MIGA1: variants seen among roughly 807,000 people sequenced by gnomAD.
The protein encoded by MIGA1 is family with sequence similarity 73, member A.
A neutral mutation model predicts 82.0 loss-of-function variants in MIGA1; 58 were observed. That is an observed-to-expected ratio of 0.71 (90% confidence interval 0.57 to 0.88). MIGA1 has a LOEUF of 0.88. Among genes scored for constraint, MIGA1 ranks in the 40% least tolerant of loss-of-function variants. MIGA1 has a pLI of 0.00. For synonymous variants in MIGA1, 249 were observed against 253.6 expected, an observed-to-expected ratio of 0.98 and a Z score of 0.17; for missense variants, 751 against 749.1, an observed-to-expected ratio of 1.00 and a Z score of -0.03.
chr1:77,872,041 C>T (rs2101984337), intron 14 of MIGA1, among the ~76,000 whole-genome samples: 1 of 152,154 alleles, frequency 6.6e-6, no homozygotes, highest in Non-Finnish European at 1.5e-5. Flanking sequence ...TATCTTGGCT[C>T]ACTGCACCAT....
intron 14 of MIGA1, among the ~76,000 whole-genome samples, chr1:77,869,171 C>T (rs1685796495): frequency 6.8e-6 from 1 of 146,128 alleles, no homozygotes; most frequent in South Asian, 2.3e-4. Flanking sequence ...CTTCAAGCAT[C>T]TGTTTAACAA....
Position 77,840,536 on chromosome 1 carries a change from G to A in MIGA1, c.896-2771G>A, listed in dbSNP as rs938573903. ...AATCCCACTCTCGGCCGGGTGCAGT[G>A]GCTCTCACACCTGTAATCCCAGTAC... On this transcript the variant is annotated intron_variant, in intron 7 of 15. Transcript: ENST00000370791. Among the ~76,000 whole-genome samples, 7 of 152,086 alleles carry A rather than the reference G, an allele frequency of 4.6e-5. No homozygotes were observed. The South Asian group carries it at 1.0e-3, about 23-fold the overall frequency.
At chr1:77,792,731 A>G (rs939638012) in intron 2 of MIGA1, among the ~76,000 whole-genome samples, 6 of 151,390 alleles carry the variant, frequency 4.0e-5, no homozygotes, top group South Asian at 2.1e-4. Context: ...ATCATCTTCA[A>G]TGAAATGAAA....
At position 77,843,557 on chromosome 1, in the gene MIGA1, A is replaced by G. The variant is rs865886707; in HGVS notation, c.996+150A>G. The G allele has an allele frequency of 4.1e-5, 25 of 606,126 alleles. 1 individual carries two copies. In the Middle Eastern group the frequency reaches 4.1e-3, roughly 99 times the overall value. The allele number at this position is 606,126 out of a possible 1,614,324, so 37.5% of individuals were successfully genotyped here. Reference sequence around the variant, plus strand: ...GGATACAAAAATGAATAAATCTAACATGAAAATAAGCTCCTACAGGAGCTT... The same window carrying G: ...GGATACAAAAATGAATAAATCTAACGTGAAAATAAGCTCCTACAGGAGCTT... On this transcript the variant is annotated intron_variant, in intron 8 of 15. Coordinates refer to ENST00000370791, the MANE Select transcript of MIGA1 (RefSeq NM_198549.4).
chr1:77,879,320 A>T lies in MIGA1; in HGVS notation c.*4256A>T, dbSNP rs1362678193. The T allele has an allele frequency of 6.6e-6, 1 of 152,142 alleles. No homozygotes were observed. Among genetic ancestry groups the T allele is most frequent in the Non-Finnish European group, 1.5e-5 (1 of 67,998 alleles). 9.4% of individuals were successfully genotyped at this position (152,142 alleles called of 1,614,324 possible). On this transcript the variant is annotated 3_prime_UTR_variant, in exon 16 of 16. Transcript: ENST00000370791. ...TCCCTACTTTGTTCCTAATGAGTAT[A>T]TTATGTTATTGTTTTGTTTAGTTTG...
chr1:77,857,172 A>G (rs1448621594), intron 8 of MIGA1, among the ~76,000 whole-genome samples: 2 of 151,850 alleles, frequency 1.3e-5, no homozygotes, highest in African/African-American at 2.4e-5. Flanking sequence ...ATTTCCATGT[A>G]TTTGCATGGT....
intron 7 of MIGA1, among the ~76,000 whole-genome samples, chr1:77,822,380 G>A (rs531555630): frequency 1.3e-5 from 2 of 152,156 alleles, no homozygotes; most frequent in South Asian, 2.1e-4. Context: ...GAGCTATGTT[G>A]GTACCTATGC....
chr1:77,813,935 G>A (rs1181104316), intron 6 of MIGA1, 68 bp downstream of exon 6: 1 of 1,549,152 alleles, frequency 6.5e-7, no homozygotes, highest in Admixed American at 1.8e-5. Context: ...TGTTTTTTTG[G>A]TAGAGGTAGG....
chr1:77,783,890 G>A (rs1051600803), intron 2 of MIGA1, among the ~76,000 whole-genome samples: 10 of 152,132 alleles, frequency 6.6e-5, no homozygotes, highest in African/African-American at 9.7e-5. Flanking sequence ...ATTCGACCAG[G>A]TACCTCACAA....
rs551197254 is a variant in MIGA1, at chr1:77,876,903, G to A, written c.*1839G>A. 1 of 152,296 alleles carries A rather than the reference G, an allele frequency of 6.6e-6. No homozygotes were observed. The highest frequency in any genetic ancestry group is 1.5e-5 in the Non-Finnish European group (1 of 68,036). 9.4% of individuals were successfully genotyped at this position (152,296 alleles called of 1,614,324 possible). A position where few individuals can be genotyped will look rare whatever the true frequency, so the allele number is the denominator to read the frequency against. On this transcript the variant is annotated 3_prime_UTR_variant, in exon 16 of 16. Transcript: ENST00000370791. Reference sequence around the variant, plus strand: ...CTAAATAATATACCACTTATTTGGAGTGACTAACTCAGTATGTAAGTAGAT... The same window carrying A: ...CTAAATAATATACCACTTATTTGGAATGACTAACTCAGTATGTAAGTAGAT...
intron 2 of MIGA1, among the ~76,000 whole-genome samples, chr1:77,791,389 T>A (rs1682417988): frequency 6.6e-6 from 1 of 152,150 alleles, no homozygotes; most frequent in Non-Finnish European, 1.5e-5. Flanking sequence ...TTTGTTCCTT[T>A]TTATTTTGTA....
At chr1:77,847,703 A>G (rs1684897670) in intron 8 of MIGA1, 1 of 1,582,752 alleles carries the variant, frequency 6.3e-7, no homozygotes, top group Admixed American at 1.7e-5. Flanking sequence ...TACTAAATCA[A>G]GCAGTTGGTG....
In MIGA1 at chr1:77,799,704, G is replaced by T. The variant is rs1452403241; in HGVS notation, c.196-1627G>T. On this transcript the variant is annotated intron_variant, in intron 2 of 15. Coordinates refer to ENST00000370791, the MANE Select transcript of MIGA1 (RefSeq NM_198549.4). ...GTGAGTTTTGATTTTGTCCTTTGTG[G>T]TCATAGAATTGTTTATAGGATCCTT... 3.3e-5 allele frequency among the ~76,000 whole-genome samples: 5 copies of T among 151,338 alleles called. No homozygotes were observed. In the East Asian group the frequency reaches 9.7e-4, roughly 29 times the overall value.
intron 8 of MIGA1, chr1:77,848,339 A>G (rs1684921175): frequency 8.0e-7 from 1 of 1,253,476 alleles, no homozygotes; most frequent in Admixed American, 2.0e-5. Context: ...ATCAGAACCG[A>G]CACAGTGAGA....
intron 7 of MIGA1, among the ~76,000 whole-genome samples, chr1:77,833,402 G>C (rs760928737): frequency 3.3e-5 from 5 of 152,204 alleles, no homozygotes; most frequent in Non-Finnish European, 7.3e-5. Flanking sequence ...TATTATACAA[G>C]TTAAAGTAGG....
intron 8 of MIGA1, among the ~76,000 whole-genome samples, chr1:77,844,467 T>A (rs1281076967): frequency 6.6e-6 from 1 of 152,124 alleles, no homozygotes; most frequent in Admixed American, 6.6e-5. Context: ...CAGTAGTGAT[T>A]ACTGAATTAT....
rs1305526155 is a variant in MIGA1, at chr1:77,813,746, T to C, written c.650T>C (p.Phe217Ser). The C allele has an allele frequency of 1.2e-6, 2 of 1,614,160 alleles. No individual in the cohort carries two copies. Among genetic ancestry groups the C allele is most frequent in the Admixed American group, 3.3e-5 (2 of 60,004 alleles). The stretch of plus-strand genomic sequence containing the variant: ...TCTTAATTTTTAGGTATGGAATTGT[T>C]TGAAGAGGCATTGCGTCGATGGGAA... Residue 217 changes from phenylalanine to serine, a missense_variant, in exon 6 of 16, where the codon TTT (phenylalanine) becomes TCT (serine). Phe to Ser is a radical substitution (Grantham distance 155). Transcript: ENST00000370791.
chr1:77,805,510 C>A (rs1438600337), intron 4 of MIGA1, among the ~76,000 whole-genome samples: 1 of 118,140 alleles, frequency 8.5e-6, no homozygotes, highest in Admixed American at 9.6e-5. Flanking sequence ...ATGGAATATA[C>A]CTATTCTTTT....
rs1170657797 is a variant in MIGA1, at chr1:77,878,394, C to CAAAAAAAAAAAAAAAAAAAAAAAAAAAAA, written c.*3357_*3358insAAAAAAAAAAAAAAAAAAAAAAAAAAAAA. ...GGGCAACAAGAGTAAAACTCTGTCTCAAAAAAAAAAAAAAAAAAAAAAAAA... is the reference window on the plus strand; with the variant it reads ...GGGCAACAAGAGTAAAACTCTGTCTCAAAAAAAAAAAAAAAAAAAAAAAAAAAAAAAAAAAAAAAAAAAAAAAAAAAAAA... On this transcript the variant is annotated 3_prime_UTR_variant, in exon 16 of 16. Coordinates refer to ENST00000370791, the MANE Select transcript of MIGA1 (RefSeq NM_198549.4). The CAAAAAAAAAAAAAAAAAAAAAAAAAAAAA allele has an allele frequency of 2.8e-5, 1 of 35,578 alleles. No individual in the cohort carries two copies. The highest frequency in any genetic ancestry group is 1.8e-3 in the South Asian group (1 of 562). 2.2% of individuals were successfully genotyped at this position (35,578 alleles called of 1,614,324 possible). A position where few individuals can be genotyped will look rare whatever the true frequency, so the allele number is the denominator to read the frequency against.
Sources: allele counts gnomAD v4.1 joint callset (sites outside exome capture counted in the v4.1 genomes callset), GRCh38; gene constraint gnomAD v4.1.1; transcripts MANE v1.5; gene names NCBI Gene and HGNC (gene_info 2026-07-23, HGNC 2026-07-21).